ERBB3: variants seen among roughly 807,000 people sequenced by gnomAD.
The protein encoded by ERBB3 is receptor tyrosine-protein kinase erbB-3.
Under a neutral mutation model 156.7 loss-of-function variants are expected in ERBB3, and 96 were observed. The observed-to-expected ratio is 0.61, with a 90% confidence interval of 0.52 to 0.73. The LOEUF (loss-of-function observed/expected upper bound fraction) is 0.73, where lower values mean the gene tolerates loss of function less well. ERBB3 is among the 30% of genes least tolerant of loss of function. The pLI, the probability that ERBB3 is intolerant of heterozygous loss-of-function variation, is 0.00. For synonymous variants in ERBB3, 567 were observed against 632.0 expected (o/e 0.90, Z 1.54); for missense variants, 1,406 against 1,709.4 (o/e 0.82, Z 3.13).
At position 56,097,849 on chromosome 12, in the gene ERBB3, T is replaced by G. The variant is rs760055268; in HGVS notation, c.2525T>G (p.Leu842Arg). 1 of 1,614,034 alleles carries G rather than the reference T, an allele frequency of 6.2e-7. No individual in the cohort carries two copies. Residue 842 changes from leucine to arginine, a missense_variant, in exon 21 of 28, where the codon CTC becomes CGC. Transcript: ENST00000267101. ...AACCTGGCTGCCCGAAACGTGCTAC[T>G]CAAGTCACCCAGTCAGGTTCAGGTG... is the stretch of plus-strand genomic sequence containing the variant. ...HRNLAARNVL[L>R]KSPSQVQVAD...
Position 56,101,936 on chromosome 12 carries a change from C to A in ERBB3, c.3910C>A (p.His1304Asn), listed in dbSNP as rs1410409599. ...TCAGGGGCCTGGACATCAGGCCCCC[C>A]ATGTCCATTATGCCCGCCTAAAAAC... ...AFQGPGHQAP[H>N]VHYARLKTLR... is the part of the protein sequence containing the mutation. Residue 1304 changes from histidine (H) to asparagine (N), a missense_variant, in exon 28 of 28, where the codon CAT becomes AAT. Around this residue, in one of 3 missense-constraint regions of ERBB3, gnomAD observed 415 missense variants for 454.1 expected, o/e 0.91. Transcript: ENST00000267101. The A allele has an allele frequency of 1.2e-6, 2 of 1,613,336 alleles. No individual in the cohort carries two copies. Among genetic ancestry groups the A allele is most frequent in the South Asian group, 2.2e-5 (2 of 91,050 alleles).
intron 22 of ERBB3, 22 bp from the exon 23 acceptor site, chr12:56,098,732 TGACTA>T (rs1395993419): frequency 6.2e-7 from 1 of 1,613,980 alleles, no homozygotes; most frequent in Non-Finnish European, 8.5e-7. Flanking sequence ...ATTTTGCCAG[TGACTA>T]GTCCATGTCT....
intron 1 of ERBB3, among the ~76,000 whole-genome samples, chr12:56,083,155 G>A (rs1025696123): frequency 6.6e-6 from 1 of 152,132 alleles, no homozygotes; most frequent in Non-Finnish European, 1.5e-5. Context: ...GGAGGGGAGT[G>A]CTGCTGAGGA....
rs1191903115 is a variant in ERBB3 at position 56,080,242 on chromosome 12, C to T, written c.-59C>T. 1 of 1,404,298 alleles carries T rather than the reference C, an allele frequency of 7.1e-7. No homozygotes were observed. The highest frequency in any genetic ancestry group is 1.4e-5 in the African/African-American group (1 of 70,334). 87.0% of individuals were successfully genotyped at this position (1,404,298 alleles called of 1,614,324 possible). On this transcript the variant is annotated 5_prime_UTR_variant, in exon 1 of 28. Transcript: ENST00000267101. ...GTTCAGGTGGCTCTTGCCTCGATGT[C>T]CTAGCCTAGGGGCCCCCGGGCCGGA...
chr12:56,088,959 C>CTAG lies in ERBB3; in HGVS notation c.1109+92_1109+94dup, dbSNP rs766176702. The CTAG allele has an allele frequency of 6.6e-6, 10 of 1,526,476 alleles. No homozygotes were observed. The East Asian group carries it at 2.3e-4, about 34-fold the overall frequency. 94.6% of individuals were successfully genotyped at this position (1,526,476 alleles called of 1,614,324 possible). On this transcript the variant is annotated intron_variant, in intron 9 of 27. Transcript: ENST00000267101. ...CCAAAACTTTCCTATGTGGAGCTGACTAGGAATCAAAGTCATAAAATTCTA... is the reference window on the plus strand; with the variant it reads ...CCAAAACTTTCCTATGTGGAGCTGACTAGTAGGAATCAAAGTCATAAAATTCTA...
chr12:56,080,825 AG>A (rs1302703352), intron 1 of ERBB3, among the ~76,000 whole-genome samples: 1 of 151,942 alleles, frequency 6.6e-6, no homozygotes, highest in Non-Finnish European at 1.5e-5. Flanking sequence ...TTTTGCCGAC[AG>A]GGCGGAGCTA....
intron 23 of ERBB3, 53 bp from the exon 24 acceptor site, chr12:56,099,595 G>A (rs557922321): frequency 3.0e-5 from 46 of 1,508,196 alleles, no homozygotes; most frequent in South Asian, 9.0e-5. Context: ...CACCGCGCCC[G>A]GCCATGGAAT....
At chr12:56,084,878 A>C in intron 2 of ERBB3, 117 bp from the exon 3 acceptor site, 1 of 1,517,144 alleles carries the variant, frequency 6.6e-7, no homozygotes, top group Non-Finnish European at 8.9e-7. Context: ...AAAAGAAAGG[A>C]AAGAAAGAAG....
In ERBB3 at chr12:56,086,250, G is replaced by T. The variant is rs376902345; in HGVS notation, c.422-281G>T. ...GTTGGAAAACATATGGGCAGGGCTT[G>T]GGGGAGGGAATGTTGAGTCAGAAAT... is the stretch of plus-strand genomic sequence containing the variant. On this transcript the variant is annotated intron_variant, in intron 3 of 27. Transcript: ENST00000267101. Among the ~76,000 whole-genome samples, 66 of 152,122 alleles carry T rather than the reference G, an allele frequency of 4.3e-4. 1 individual carries two copies. In the East Asian group the frequency reaches 0.011, roughly 25 times the overall value.
At chr12:56,091,872 T>C (rs868376759) in intron 9 of ERBB3, among the ~76,000 whole-genome samples, 1 of 152,148 alleles carries the variant, frequency 6.6e-6, no homozygotes, top group African/African-American at 2.4e-5. Flanking sequence ...AATTTTCTAA[T>C]TCCATTATTC....
In ERBB3 at chr12:56,102,985, CTG is replaced by C; in HGVS notation, c.*931_*932del. The stretch of plus-strand genomic sequence containing the variant: ...CTACAGGGGAAAAAAAAAAAAGAAA[CTG>C]AGCCTTAAAGAGATGAAATAAATTA... On this transcript the variant is annotated 3_prime_UTR_variant, in exon 28 of 28. Transcript: ENST00000267101. 1 of 227,998 alleles carries C rather than the reference CTG, an allele frequency of 4.4e-6. No individual in the cohort carries two copies. The highest frequency in any genetic ancestry group is 6.2e-5 in the East Asian group (1 of 16,072). The allele number at this position is 227,998 out of a possible 1,614,324, so 14.1% of individuals were successfully genotyped here.
At chr12:56,086,081 A>C (rs1049889655) in intron 3 of ERBB3, among the ~76,000 whole-genome samples, 1 of 151,712 alleles carries the variant, frequency 6.6e-6, no homozygotes, top group South Asian at 2.1e-4. Flanking sequence ...AAAAAAAAAA[A>C]AAAAACCAAA....
chr12:56,101,938 T>C lies in ERBB3; in HGVS notation c.3912T>C (p.His1304=), dbSNP rs779625413. 34 of 1,613,276 alleles carry C rather than the reference T, an allele frequency of 2.1e-5. No individual in the cohort carries two copies. The highest frequency in any genetic ancestry group is 2.5e-5 in the Non-Finnish European group (29 of 1,179,676). The change falls in exon 28 of 28, where the codon CAT becomes CAC. Residue 1304 remains histidine, a synonymous_variant. Transcript: ENST00000267101. ...AFQGPGHQAP[H]VHYARLKTLR... Reference sequence around the variant, plus strand: ...AGGGGCCTGGACATCAGGCCCCCCATGTCCATTATGCCCGCCTAAAAACTC... The same window carrying C: ...AGGGGCCTGGACATCAGGCCCCCCACGTCCATTATGCCCGCCTAAAAACTC...
At chr12:56,100,654 A>G (rs1168823833) in intron 26 of ERBB3, among the ~76,000 whole-genome samples, 2 of 149,938 alleles carry the variant, frequency 1.3e-5, no homozygotes, top group African/African-American at 4.9e-5. Flanking sequence ...AAAAAAAAAA[A>G]AAAAAGGCCA....
intron 2 of ERBB3, 104 bp from the exon 3 acceptor site, chr12:56,084,891 A>G (rs1868422981): frequency 1.9e-6 from 3 of 1,553,366 alleles, no homozygotes; most frequent in African/African-American, 1.4e-5. Context: ...GAAAGAAGGA[A>G]GAATTAAAAC....
In ERBB3 at chr12:56,096,705, A is replaced by G. The variant is rs1211194461; in HGVS notation, c.2176-43A>G. 7.4e-6 allele frequency: 12 copies of G among 1,612,388 alleles called. No homozygotes were observed. The Admixed American group carries it at 1.7e-4, about 22-fold the overall frequency. On this transcript the variant is annotated intron_variant, in intron 18 of 27. Transcript: ENST00000267101. ...AAAGATTTTTGCATAGGATTGACCT[A>G]GGGAGAATGACCTTATGCCAACTCC...
intron 26 of ERBB3, 46 bp from the exon 27 acceptor site, chr12:56,101,015 T>C (rs1565861759): frequency 7.2e-7 from 1 of 1,386,582 alleles, no homozygotes; most frequent in Non-Finnish European, 1.0e-6. Flanking sequence ...TCTTTCCTCA[T>C]CATGTAAATT....
rs144558290 is a variant in ERBB3 at position 56,098,803 on chromosome 12, G to A, written c.2737G>A (p.Ala913Thr). 29 of 1,613,734 alleles carry A rather than the reference G, an allele frequency of 1.8e-5. No homozygotes were observed. The highest frequency in any genetic ancestry group is 8.3e-5 in the Admixed American group (5 of 59,996). Residue 913 changes from alanine (A) to threonine (T), a missense_variant, in exon 23 of 28, where the codon GCA (alanine) becomes ACA (threonine). By Grantham distance (58) the Ala-to-Thr change is moderately conservative. Transcript: ENST00000267101. The part of the protein sequence containing the change: ...ELMTFGAEPY[A>T]GLRLAEVPDL... ...GATGACCTTCGGGGCAGAGCCCTAT[G>A]CAGGGCTACGATTGGCTGAAGTACC...
At chr12:56,090,309 C>A (rs1362394168) in intron 9 of ERBB3, among the ~76,000 whole-genome samples, 1 of 152,070 alleles carries the variant, frequency 6.6e-6, no homozygotes, top group Non-Finnish European at 1.5e-5. Flanking sequence ...CCCCCATACA[C>A]TCTTTTACCC....
Sources: gnomAD v4.1 joint callset for allele counts (sites outside exome capture counted in the v4.1 genomes callset) on GRCh38, gnomAD v4.1.1 for gene constraint, gnomAD v4.1.1 regional missense constraint, MANE v1.5 for transcripts, NCBI Gene and HGNC (gene_info 2026-07-23, HGNC 2026-07-21) for gene names.